The following ABCB11 variants were observed in gnomAD, a reference collection of about 807,000 sequenced individuals.
ABCB11 encodes the protein bile salt export pump.
Under a neutral mutation model 148.0 loss-of-function variants are expected in ABCB11, and 95 were observed. The ratio of observed to expected loss-of-function variants is 0.64; its 90% CI spans 0.54 to 0.76. The LOEUF (loss-of-function observed/expected upper bound fraction) is 0.76. Ranked by LOEUF, ABCB11 falls within the 30% of genes least tolerant of loss-of-function variation. The probability of loss-of-function intolerance (pLI) is 0.00; values close to 1 mark genes in which losing one functional copy is unlikely to be tolerated. For missense variants in ABCB11, 1,523 were observed against 1,617.8 expected (o/e 0.94, Z 1.01); for synonymous variants, 591 against 555.4 (o/e 1.06, Z -0.90).
chr2:168,999,127 A>C (rs1000984898), intron 5 of ABCB11, among the ~76,000 whole-genome samples: 5 of 152,072 alleles, frequency 3.3e-5, no homozygotes, highest in African/African-American at 1.2e-4. Context: ...ATCTACTTGA[A>C]TGAATTAAGA....
In ABCB11 at chr2:169,018,275, A is replaced by C. The variant is rs376399161; in HGVS notation, c.-27-123T>G. 25 of 862,350 alleles carry C rather than the reference A, an allele frequency of 2.9e-5. No homozygotes were observed. In the South Asian group the frequency reaches 4.2e-4, roughly 14 times the overall value. The allele number at this position is 862,350 out of a possible 1,614,324, so 53.4% of individuals were successfully genotyped here. A position where few individuals can be genotyped will look rare whatever the true frequency, so the allele number is the denominator to read the frequency against. ...TCTTTACTAATCAATCTCAGACAAAAGTTTTAAAATCGGTTAATAACTCCC... is the reference window on the plus strand; with the variant it reads ...TCTTTACTAATCAATCTCAGACAAACGTTTTAAAATCGGTTAATAACTCCC... On this transcript the variant is annotated intron_variant, in intron 1 of 27. Coordinates refer to ENST00000650372, the MANE Select transcript of ABCB11 (RefSeq NM_003742.4).
rs570928706 is a variant in ABCB11 at position 168,943,312 on chromosome 2, T to C, written c.2610+1293A>G. 2.4e-4 allele frequency among the ~76,000 whole-genome samples: 37 copies of C among 152,058 alleles called. No homozygotes were observed. In the South Asian group the frequency reaches 6.8e-3, roughly 28 times the overall value. On this transcript the variant is annotated intron_variant, in intron 21 of 27. Transcript: ENST00000650372. ...AGCAGTTATGCAATGCATATCAAAA[T>C]CTTCCAAAATGATTATACACTGATT...
At position 169,011,834 on chromosome 2, in the gene ABCB11, A is replaced by T. The variant is rs183227107; in HGVS notation, c.389+1438T>A. Among the ~76,000 whole-genome samples, 381 of 152,118 alleles carry T rather than the reference A, an allele frequency of 2.5e-3. 1 individual carries two copies. Among genetic ancestry groups the T allele is most frequent in the Non-Finnish European group, 4.5e-3 (309 of 67,962 alleles). ...ACACCACAAAGCCAAGCTATTTTTT[A>T]AAAAAATTTTTGTAGAGACAGGGTC... is the stretch of plus-strand genomic sequence containing the variant. On this transcript the variant is annotated intron_variant, in intron 5 of 27. Transcript: ENST00000650372.
chr2:168,939,868 A>G (rs1465724145), intron 21 of ABCB11, among the ~76,000 whole-genome samples: 1 of 152,080 alleles, frequency 6.6e-6, no homozygotes, highest in Non-Finnish European at 1.5e-5. Flanking sequence ...AAAATATTCA[A>G]ACTTTTTCAT....
intron 12 of ABCB11, among the ~76,000 whole-genome samples, chr2:168,975,290 A>C (rs184656422): frequency 0.026 from 661 of 25,468 alleles, 164 homozygotes; most frequent in African/African-American, 0.094. Context: ...TGAATATTTA[A>C]ATATTTTTAT....
intron 1 of ABCB11, among the ~76,000 whole-genome samples, chr2:169,026,437 T>C (rs973825660): frequency 1.3e-4 from 20 of 152,212 alleles, no homozygotes; most frequent in South Asian, 2.1e-4. Context: ...ACGGCTGTGA[T>C]GATTTTTGAA....
downstream of ABCB11, among the ~76,000 whole-genome samples, chr2:168,919,240 G>T (rs1574384073): frequency 6.6e-6 from 1 of 152,092 alleles, no homozygotes; most frequent in East Asian, 1.9e-4. Context: ...TCTCAGATGA[G>T]TCATAAGGTA....
chr2:169,024,046 G>C (rs1252726803), intron 1 of ABCB11, among the ~76,000 whole-genome samples: 1 of 152,140 alleles, frequency 6.6e-6, no homozygotes, highest in Non-Finnish European at 1.5e-5. Context: ...GCCTATTGGG[G>C]GAGGGCAGTG....
chr2:168,916,391 A>G (rs1690942136), downstream of ABCB11, among the ~76,000 whole-genome samples: 1 of 152,164 alleles, frequency 6.6e-6, no homozygotes, highest in Non-Finnish European at 1.5e-5. Context: ...TACATAACAC[A>G]TTCTGTCCTA....
At chr2:168,951,999 AT>A (rs200713611) in intron 19 of ABCB11, among the ~76,000 whole-genome samples, 2 of 151,270 alleles carry the variant, frequency 1.3e-5, no homozygotes, top group Non-Finnish European at 3.0e-5. Flanking sequence ...TGAAATGATA[AT>A]TTTTTCCCTT....
intron 22 of ABCB11, 108 bp downstream of exon 22, chr2:168,936,122 C>G (rs568262690): frequency 5.4e-6 from 6 of 1,118,920 alleles, no homozygotes; most frequent in Non-Finnish European, 7.6e-6. Flanking sequence ...GTGTGCCTGT[C>G]TTGTGGGCTG....
intron 5 of ABCB11, among the ~76,000 whole-genome samples, chr2:169,004,893 GCTAAA>G (rs1694975874): frequency 6.6e-6 from 1 of 152,124 alleles, no homozygotes; most frequent in African/African-American, 2.4e-5. Flanking sequence ...CTTCCGGTAA[GCTAAA>G]CTGTAGTGAT....
intron 10 of ABCB11, among the ~76,000 whole-genome samples, chr2:168,984,252 C>T (rs1049299221): frequency 2.6e-5 from 4 of 152,100 alleles, no homozygotes; most frequent in African/African-American, 9.7e-5. Flanking sequence ...TATAGCATGT[C>T]TCTATTTGTC....
chr2:168,936,042 G>A (rs1020189808), intron 22 of ABCB11, among the ~76,000 whole-genome samples, 188 bp downstream of exon 22: 3 of 152,206 alleles, frequency 2.0e-5, no homozygotes, highest in African/African-American at 7.2e-5. Flanking sequence ...CTCATACTCA[G>A]AGTCTCGGAG....
At position 168,935,191 on chromosome 2, in the gene ABCB11, C is replaced by T. The variant is rs1691759463; in HGVS notation, c.3049G>A (p.Val1017Met). Residue 1017 changes from valine to methionine, a missense_variant, in exon 23 of 28, where the codon GTG becomes ATG. By Grantham distance (21) the Val-to-Met change is conservative (BLOSUM62 1). Coordinates refer to ENST00000650372, the MANE Select transcript of ABCB11 (RefSeq NM_003742.4). ...TGGCTAGATATTCCTCACCTGAACACATAGCTGAAATGGAGCCCCTCATTG... is the reference window on the plus strand; with the variant it reads ...TGGCTAGATATTCCTCACCTGAACATATAGCTGAAATGGAGCCCCTCATTG... The part of the protein sequence containing the change: ...ISNEGLHFSY[V>M]FRVISAVVLS... 6 of 1,613,906 alleles carry T rather than the reference C, an allele frequency of 3.7e-6. No individual in the cohort carries two copies. Among genetic ancestry groups the T allele is most frequent in the Non-Finnish European group, 5.1e-6 (6 of 1,179,878 alleles).
intron 10 of ABCB11, among the ~76,000 whole-genome samples, chr2:168,981,691 G>A (rs1421301812): frequency 6.6e-6 from 1 of 152,022 alleles, no homozygotes; most frequent in Non-Finnish European, 1.5e-5. Context: ...CTCAGCAAAG[G>A]AACCTTCCAT....
Position 168,924,658 on chromosome 2 carries a change from TTTTCAC to T in ABCB11, c.3758_3763del (p.Ser1253_Glu1254del). On this transcript the variant is annotated inframe_deletion and splice_region_variant, in exon 27 of 28. Coordinates refer to ENST00000650372, the MANE Select transcript of ABCB11 (RefSeq NM_003742.4). ...AGACTTTAGAAATTCAACACTTACC[TTTTCAC>T]TTTCTGTGTCTAAGGCAGAAGTGGC... The T allele has an allele frequency of 6.2e-7, 1 of 1,613,656 alleles. No individual in the cohort carries two copies.
rs1057315073 is a variant in ABCB11, at chr2:168,924,895, ATTAT to A, written c.3619-96_3619-93del. 8 of 1,118,992 alleles carry A rather than the reference ATTAT, an allele frequency of 7.1e-6. No homozygotes were observed. In the Admixed American group the frequency reaches 1.3e-4, roughly 19 times the overall value. The allele number at this position is 1,118,992 out of a possible 1,614,324, so 69.3% of individuals were successfully genotyped here. A position where few individuals can be genotyped will look rare whatever the true frequency, so the allele number is the denominator to read the frequency against. On this transcript the variant is annotated intron_variant, in intron 26 of 27. Coordinates refer to ENST00000650372, the MANE Select transcript of ABCB11 (RefSeq NM_003742.4). ...TGTCAAGGTCTCCTCTGTAATTTAA[ATTAT>A]TTGTTTGTTGAACTAGGGAACAGTG...
At chr2:168,980,114 G>C in intron 10 of ABCB11, 135 bp from the exon 11 acceptor site, 1 of 523,036 alleles carries the variant, frequency 1.9e-6, no homozygotes, top group East Asian at 3.4e-5. Context: ...CTAGCTCTTT[G>C]GCTGTTTGGA....
Sources: gnomAD v4.1 joint callset for allele counts (sites outside exome capture counted in the v4.1 genomes callset) on GRCh38, gnomAD v4.1.1 for gene constraint, MANE v1.5 for transcripts, NCBI Gene and HGNC (gene_info 2026-07-23, HGNC 2026-07-21) for gene names.